The following SMIM14 variants were observed in gnomAD, a reference collection of about 807,000 sequenced individuals.
The protein encoded by SMIM14 is small integral membrane protein 14.
Under a neutral mutation model 12.6 loss-of-function variants are expected in SMIM14, and 5 were observed. The observed-to-expected ratio is 0.40, with a 90% CI of 0.21 to 0.83. The LOEUF (loss-of-function observed/expected upper bound fraction) is 0.83, where lower values mean the gene tolerates loss of function less well. Ranked by LOEUF, SMIM14 falls within the 40% of genes least tolerant of loss-of-function variation. The pLI, the probability that SMIM14 is intolerant of heterozygous loss-of-function variation, is 0.37. For synonymous variants in SMIM14, 30 were observed against 40.1 expected, an observed-to-expected ratio of 0.75 and a Z score of 0.95; for missense variants, 86 against 119.1, an observed-to-expected ratio of 0.72 and a Z score of 1.29.
At chr4:39,565,464 T>C (rs1578316004) in intron 3 of SMIM14, among the ~76,000 whole-genome samples, 1 of 152,202 alleles carries the variant, frequency 6.6e-6, no homozygotes, top group South Asian at 2.1e-4. Context: ...AGCTGGGGCA[T>C]AGGCACAGGC....
chr4:39,620,198 G>T (rs1413488516), intron 1 of SMIM14, among the ~76,000 whole-genome samples: 2 of 150,846 alleles, frequency 1.3e-5, no homozygotes, highest in Non-Finnish European at 3.0e-5. Flanking sequence ...AAAAAAATTC[G>T]GATGGGCGCT....
intron 2 of SMIM14, among the ~76,000 whole-genome samples, chr4:39,581,905 CTT>C (rs1403858104): frequency 7.1e-5 from 10 of 140,996 alleles, no homozygotes; most frequent in Non-Finnish European, 1.4e-4. Flanking sequence ...GAGTTTCACT[CTT>C]GTTGCCCAGG....
intron 1 of SMIM14, among the ~76,000 whole-genome samples, chr4:39,628,735 T>TC (rs1715796620): frequency 6.7e-6 from 1 of 149,928 alleles, no homozygotes; most frequent in South Asian, 2.1e-4. Context: ...TTTTTTTTTT[T>TC]CTTTTTTCTT....
rs1056121430 is a variant in SMIM14, at chr4:39,558,300, C to T, written c.125-1730G>A. Among the ~76,000 whole-genome samples the T allele has an allele frequency of 2.6e-5, 4 of 152,078 alleles. No homozygotes were observed. The highest frequency in any genetic ancestry group is 1.3e-4 in the Admixed American group (2 of 15,254). ...CTCAGGAATTCGAGACCAGCCTGGG[C>T]GATATGGTGAAACCCCATCTCTGAG... On this transcript the variant is annotated intron_variant, in intron 3 of 4. Transcript: ENST00000295958. The surrounding 1 kb of genome is among the most constrained non-coding windows in gnomAD (Gnocchi z 4.3).
At position 39,619,176 on chromosome 4, in the gene SMIM14, C is replaced by T. The variant is rs182547398; in HGVS notation, c.-35-13996G>A. Among the ~76,000 whole-genome samples, 618 of 143,606 alleles carry T rather than the reference C, an allele frequency of 4.3e-3. 8 individuals carry two copies. The highest frequency in any genetic ancestry group is 0.015 in the African/African-American group (578 of 39,180). The allele number at this position is 143,606 out of a possible 152,430, so 94.2% of individuals were successfully genotyped here. A position where few individuals can be genotyped will look rare whatever the true frequency, so the allele number is the denominator to read the frequency against. ...ATTATAATTTAATTTATTATATATACCAATAAATATAATTTAATTTATTCT... is the reference window on the plus strand; with the variant it reads ...ATTATAATTTAATTTATTATATATATCAATAAATATAATTTAATTTATTCT... On this transcript the variant is annotated intron_variant, in intron 1 of 4. Transcript: ENST00000295958.
intron 2 of SMIM14, among the ~76,000 whole-genome samples, chr4:39,591,352 C>A (rs1714069297): frequency 6.6e-6 from 1 of 151,658 alleles, no homozygotes; most frequent in Admixed American, 6.6e-5. Flanking sequence ...CTGAACATTC[C>A]TGAGACAAGC....
At chr4:39,605,600 A>G (rs1560301673) in intron 1 of SMIM14, among the ~76,000 whole-genome samples, 2 of 152,204 alleles carry the variant, frequency 1.3e-5, no homozygotes, top group African/African-American at 2.4e-5. Context: ...TGACATAGCT[A>G]AAAAATAGCT....
rs1398943494 is a variant in SMIM14 at position 39,558,944 on chromosome 4, G to A, written c.125-2374C>T. ...AGGCTGGTCTCAAACTCCTGACCTC[G>A]TGATCTGCCTGCTTCGGCCTCCCAA... On this transcript the variant is annotated intron_variant, in intron 3 of 4. Coordinates refer to ENST00000295958, the MANE Select transcript of SMIM14 (RefSeq NM_174921.3). This position sits in a 1 kb window ranked among gnomAD's most constrained non-coding sequence, Gnocchi z 4.3. Among the ~76,000 whole-genome samples, 2 of 152,076 alleles carry A rather than the reference G, an allele frequency of 1.3e-5. No individual in the cohort carries two copies. The highest frequency in any genetic ancestry group is 1.5e-5 in the Non-Finnish European group (1 of 68,014).
intron 3 of SMIM14, among the ~76,000 whole-genome samples, chr4:39,562,027 G>A (rs1178895426): frequency 6.8e-6 from 1 of 148,140 alleles, no homozygotes; most frequent in Non-Finnish European, 1.5e-5. Context: ...CTCCTAGCTT[G>A]GTTCCTATTG....
At chr4:39,606,119 G>C (rs1400513988) in intron 1 of SMIM14, among the ~76,000 whole-genome samples, 10 of 152,098 alleles carry the variant, frequency 6.6e-5, no homozygotes, top group Admixed American at 6.5e-4. Flanking sequence ...GCTGAGGCGG[G>C]AGGATCACTT....
At chr4:39,605,780 G>T (rs1054839603) in intron 1 of SMIM14, among the ~76,000 whole-genome samples, 1 of 152,082 alleles carries the variant, frequency 6.6e-6, no homozygotes, top group Non-Finnish European at 1.5e-5. Flanking sequence ...TCGCTCTGTC[G>T]CCCAGGCTGG....
chr4:39,577,795 G>T (rs1200160956), intron 2 of SMIM14, among the ~76,000 whole-genome samples: 1 of 152,246 alleles, frequency 6.6e-6, no homozygotes, highest in East Asian at 1.9e-4. Flanking sequence ...AAGAATGAAA[G>T]AAATTATCAG....
intron 3 of SMIM14, among the ~76,000 whole-genome samples, chr4:39,567,026 C>G (rs1320581396): frequency 6.7e-6 from 1 of 150,134 alleles, no homozygotes; most frequent in Non-Finnish European, 1.5e-5. Flanking sequence ...ATCCCAGCTA[C>G]TTGGGAGGCT....
chr4:39,599,455 G>T (rs1444817697), intron 2 of SMIM14, among the ~76,000 whole-genome samples: 1 of 152,096 alleles, frequency 6.6e-6, no homozygotes, highest in African/African-American at 2.4e-5. Context: ...GGGGCTTGGG[G>T]GTAGCAAGAG....
intron 1 of SMIM14, among the ~76,000 whole-genome samples, chr4:39,619,850 T>TTATATATATATATATA (rs1186064721): frequency 1.4e-5 from 1 of 70,132 alleles, no homozygotes; most frequent in East Asian, 3.4e-4. Flanking sequence ...ATATATATAT[T>TTATATATATATATATA]TATATATATT....
chr4:39,562,374 C>T (rs1430601289), intron 3 of SMIM14, among the ~76,000 whole-genome samples: 1 of 150,928 alleles, frequency 6.6e-6, no homozygotes. Context: ...CAGACCCTGT[C>T]TCAACCCCCA....
intron 1 of SMIM14, among the ~76,000 whole-genome samples, chr4:39,631,189 G>A (rs568953707): frequency 5.3e-5 from 8 of 151,992 alleles, no homozygotes; most frequent in African/African-American, 1.4e-4. Context: ...AAAATTAGCC[G>A]GGCATGGTGG....
intron 2 of SMIM14, among the ~76,000 whole-genome samples, chr4:39,586,735 TA>T (rs1179911023): frequency 2.6e-5 from 4 of 152,152 alleles, no homozygotes; most frequent in African/African-American, 4.8e-5. Flanking sequence ...AGGTATTTGT[TA>T]TAGTAGCATC....
chr4:39,611,496 A>C (rs1454349482), intron 1 of SMIM14, among the ~76,000 whole-genome samples: 2 of 145,140 alleles, frequency 1.4e-5, no homozygotes, highest in African/African-American at 2.6e-5. Context: ...ACCGAGCAAG[A>C]CTCCATCTCA....
Sources: allele counts gnomAD v4.1 joint callset (sites outside exome capture counted in the v4.1 genomes callset), GRCh38; gene constraint gnomAD v4.1.1; non-coding constraint Gnocchi (gnomAD v3.1); transcripts MANE v1.5; gene names NCBI Gene and HGNC (gene_info 2026-07-23, HGNC 2026-07-21).